GPR39: variants seen among roughly 807,000 people sequenced by gnomAD.
GPR39 encodes the protein G protein-coupled receptor 39.
In GPR39, 23 loss-of-function variants were observed where a neutral mutation model predicts 18.4. The ratio of observed to expected loss-of-function variants is 1.25; its 90% CI spans 0.90 to 1.77. The LOEUF (loss-of-function observed/expected upper bound fraction) is 1.77, where lower values mean the gene tolerates loss of function less well. Ranked by LOEUF, GPR39 falls within the 40% of genes most tolerant of loss-of-function variation. The pLI, the probability that GPR39 is intolerant of heterozygous loss-of-function variation, is 0.00. For synonymous variants in GPR39, 280 were observed against 257.9 expected (o/e 1.09, Z -0.82); for missense variants, 647 against 602.4 (o/e 1.07, Z -0.78).
chr2:132,611,929 A>G (rs933829567), intron 1 of GPR39, among the ~76,000 whole-genome samples: 2 of 152,164 alleles, frequency 1.3e-5, no homozygotes, highest in African/African-American at 2.4e-5. Flanking sequence ...TGAATGCCCT[A>G]TGACTGAAAC....
At chr2:132,522,906 A>C (rs1402629891) in intron 1 of GPR39, among the ~76,000 whole-genome samples, 2 of 152,258 alleles carry the variant, frequency 1.3e-5, no homozygotes, top group African/African-American at 4.8e-5. Context: ...TTAATGCCTG[A>C]AAACTGCCTG....
chr2:132,587,782 G>A (rs888488365), intron 1 of GPR39, among the ~76,000 whole-genome samples: 2 of 152,120 alleles, frequency 1.3e-5, no homozygotes, highest in Non-Finnish European at 2.9e-5. Flanking sequence ...TGATCCACCC[G>A]CCTCAGCCTC....
intron 1 of GPR39, among the ~76,000 whole-genome samples, chr2:132,589,216 C>T (rs1006776425): frequency 1.3e-5 from 2 of 152,120 alleles, no homozygotes; most frequent in African/African-American, 2.4e-5. Context: ...GCCATGTCCC[C>T]CCCTCCCCAT....
chr2:132,533,995 A>C (rs1438992990), intron 1 of GPR39, among the ~76,000 whole-genome samples: 2 of 152,242 alleles, frequency 1.3e-5, no homozygotes, highest in African/African-American at 4.8e-5. Flanking sequence ...GACAGATGGG[A>C]TCTAATTAAA....
At chr2:132,479,475 T>C (rs559127731) in intron 1 of GPR39, among the ~76,000 whole-genome samples, 1 of 152,276 alleles carries the variant, frequency 6.6e-6, no homozygotes, top group South Asian at 2.1e-4. Flanking sequence ...GGAGGATTTG[T>C]GGAATGAGAC....
intron 1 of GPR39, among the ~76,000 whole-genome samples, chr2:132,459,599 C>T (rs981174396): frequency 6.6e-6 from 1 of 152,186 alleles, no homozygotes; most frequent in Non-Finnish European, 1.5e-5. Flanking sequence ...GGGGCAGAAA[C>T]ACTCTGTATC....
At position 132,646,552 on chromosome 2, in the gene GPR39, T is replaced by C. The variant is rs113557946; in HGVS notation, c.*946T>C. ...TACCTGTTAATAAAGAGCTGTTAAA[T>C]AGACTTATTTACATTTTAAGTCAGA... On this transcript the variant is annotated 3_prime_UTR_variant, in exon 2 of 2. Transcript: ENST00000329321. 596 of 338,152 alleles carry C rather than the reference T, an allele frequency of 1.8e-3. 2 individuals carry two copies. The highest frequency in any genetic ancestry group is 0.011 in the African/African-American group (531 of 47,658). 20.9% of individuals were successfully genotyped at this position (338,152 alleles called of 1,614,324 possible). A position where few individuals can be genotyped will look rare whatever the true frequency, so the allele number is the denominator to read the frequency against.
At chr2:132,482,003 T>G (rs896897731) in intron 1 of GPR39, among the ~76,000 whole-genome samples, 1 of 152,168 alleles carries the variant, frequency 6.6e-6, no homozygotes, top group African/African-American at 2.4e-5. Context: ...GCTGAACATC[T>G]CTGTAGACTG....
intron 1 of GPR39, among the ~76,000 whole-genome samples, chr2:132,634,889 C>T (rs73955764): frequency 0.13 from 20,284 of 152,190 alleles, 4,316 homozygotes; most frequent in African/African-American, 0.45. Flanking sequence ...AGGGCCATCA[C>T]AGACAGAAAC....
chr2:132,468,842 G>A lies in GPR39; in HGVS notation c.856+50944G>A, dbSNP rs182634087. The stretch of plus-strand genomic sequence containing the variant: ...AAAAGGGGACAGATGAGAGAGAGGA[G>A]GCAGGGTGACCTTTGCTTGTCTTTC... On this transcript the variant is annotated intron_variant, in intron 1 of 1. Transcript: ENST00000329321. 3.8e-3 allele frequency among the ~76,000 whole-genome samples: 581 copies of A among 152,026 alleles called. 15 individuals carry two copies. The highest frequency in any genetic ancestry group is 0.036 in the Admixed American group (553 of 15,282).
At chr2:132,493,505 CATATAT>C (rs5834316) in intron 1 of GPR39, among the ~76,000 whole-genome samples, 82 of 130,500 alleles carry the variant, frequency 6.3e-4, no homozygotes, top group East Asian at 2.4e-3. Flanking sequence ...ATATATACAC[CATATAT>C]ATATATATAT....
At position 132,424,374 on chromosome 2, in the gene GPR39, C is replaced by G. The variant is rs779119448; in HGVS notation, c.856+6476C>G. On this transcript the variant is annotated intron_variant, in intron 1 of 1. Transcript: ENST00000329321. ...TTTATGTCTCCACCTTAAATTGCATCCACTTGCAGCCATCTCTCTCAAGAG... is the reference window on the plus strand; with the variant it reads ...TTTATGTCTCCACCTTAAATTGCATGCACTTGCAGCCATCTCTCTCAAGAG... Among the ~76,000 whole-genome samples the G allele has an allele frequency of 2.6e-4, 40 of 152,230 alleles. 1 individual carries two copies. The highest frequency in any genetic ancestry group is 1.0e-3 in the South Asian group (5 of 4,818).
chr2:132,505,760 C>T (rs1280085060), intron 1 of GPR39, among the ~76,000 whole-genome samples: 2 of 152,144 alleles, frequency 1.3e-5, no homozygotes, highest in Non-Finnish European at 2.9e-5. Flanking sequence ...TATAGTAATC[C>T]ATTGTGTATA....
At chr2:132,533,563 G>T (rs1341803760) in intron 1 of GPR39, among the ~76,000 whole-genome samples, 2 of 151,474 alleles carry the variant, frequency 1.3e-5, no homozygotes, top group Non-Finnish European at 2.9e-5. Context: ...AAAGAACAAA[G>T]CTGGAGGCAT....
At chr2:132,487,033 A>G (rs1162445596) in intron 1 of GPR39, among the ~76,000 whole-genome samples, 3 of 152,118 alleles carry the variant, frequency 2.0e-5, no homozygotes, top group Non-Finnish European at 4.4e-5. Flanking sequence ...AGCATTATTG[A>G]TTGGCCTAAT....
chr2:132,512,808 A>T (rs1433001823), intron 1 of GPR39, among the ~76,000 whole-genome samples: 1 of 152,224 alleles, frequency 6.6e-6, no homozygotes, highest in Non-Finnish European at 1.5e-5. Context: ...CAGTACACAC[A>T]TGTATTCATG....
At chr2:132,450,909 T>C (rs1171831627) in intron 1 of GPR39, among the ~76,000 whole-genome samples, 1 of 152,206 alleles carries the variant, frequency 6.6e-6, no homozygotes, top group Non-Finnish European at 1.5e-5. Context: ...TGCCTGAGTT[T>C]TCCTTAGCAA....
At chr2:132,561,577 T>TACAC (rs55653432) in intron 1 of GPR39, among the ~76,000 whole-genome samples, 8,339 of 147,860 alleles carry the variant, frequency 0.056, 421 homozygotes, top group African/African-American at 0.13. Context: ...AATATGAGTG[T>TACAC]ACACACACAC....
chr2:132,534,238 A>G (rs913961932), intron 1 of GPR39, among the ~76,000 whole-genome samples: 12 of 152,124 alleles, frequency 7.9e-5, no homozygotes, highest in Non-Finnish European at 1.0e-4. Context: ...ACATGAAAAA[A>G]TGTTCATCAT....
Sources: gnomAD v4.1 joint callset for allele counts (sites outside exome capture counted in the v4.1 genomes callset) on GRCh38, gnomAD v4.1.1 for gene constraint, MANE v1.5 for transcripts, NCBI Gene and HGNC (gene_info 2026-07-23, HGNC 2026-07-21) for gene names.